ATP7A: variants seen among roughly 807,000 people sequenced by gnomAD.
ATP7A encodes copper-transporting ATPase 1.
Under a neutral mutation model 83.5 loss-of-function variants are expected in ATP7A, and 7 were observed. That is an observed-to-expected ratio of 0.08 (90% CI 0.05 to 0.16). ATP7A has a LOEUF of 0.16. ATP7A is among the 10% of genes least tolerant of loss of function. The pLI, the probability that ATP7A is intolerant of heterozygous loss-of-function variation, is 1.00. For missense variants in ATP7A, 940 were observed against 1,120.8 expected, an observed-to-expected ratio of 0.84 and a Z score of 2.30; for synonymous variants, 354 against 395.2, an observed-to-expected ratio of 0.90 and a Z score of 1.24.
At chrX:77,946,780 A>T (rs1488711353) in intron 1 of ATP7A, among the ~76,000 whole-genome samples, 2 of 109,536 alleles carry the variant, frequency 1.8e-5, no homozygotes, top group Non-Finnish European at 3.8e-5. Flanking sequence ...TTGGCGAGAA[A>T]CTGGAACTCT....
chrX:77,925,935 G>A (rs1453546829), intron 1 of ATP7A, among the ~76,000 whole-genome samples: 2 of 86,399 alleles, frequency 2.3e-5, no homozygotes, highest in Admixed American at 2.7e-4. Context: ...TTTTTTTAAC[G>A]CCATAAAGTG....
rs1156427861 is a variant in ATP7A at position 78,042,116 on chromosome X, CAA to C, written c.3802-450_3802-449del. ...TGGGTGACAGAGCAAGACTCTGTCT[CAA>C]AAAAAAAAAAAAAAAAAAGTTACAA... On this transcript the variant is annotated intron_variant, in intron 19 of 22. Coordinates refer to ENST00000341514, the MANE Select transcript of ATP7A (RefSeq NM_000052.7). Among the ~76,000 whole-genome samples, 342 of 51,901 alleles carry C rather than the reference CAA, an allele frequency of 6.6e-3. 1 individual carries two copies. Among genetic ancestry groups the C allele is most frequent in the African/African-American group, 0.018 (281 of 15,358 alleles). The allele number at this position is 51,901 out of a possible 115,157, so 45.1% of individuals were successfully genotyped here. A position where few individuals can be genotyped will look rare whatever the true frequency, so the allele number is the denominator to read the frequency against.
chrX:78,028,054 G>T (rs941270344), intron 14 of ATP7A, among the ~76,000 whole-genome samples: 3 of 108,682 alleles, frequency 2.8e-5, no homozygotes, highest in Non-Finnish European at 5.7e-5. Context: ...ACAGGGTCTC[G>T]CTCTGTTGCC....
intron 2 of ATP7A, 66 bp from the exon 3 acceptor site, chrX:77,988,176 A>G (rs957716021): frequency 5.5e-6 from 6 of 1,093,460 alleles, no homozygotes; most frequent in Non-Finnish European, 7.4e-6. Context: ...TGGTGTGATG[A>G]TTATTATTTT....
intron 7 of ATP7A, among the ~76,000 whole-genome samples, chrX:78,010,682 C>T (rs964227636): frequency 2.0e-5 from 2 of 99,360 alleles, no homozygotes; most frequent in Non-Finnish European, 4.0e-5. Flanking sequence ...TGGGTTCAAG[C>T]GATTCTCCTG....
chrX:77,925,076 T>C (rs782273338), intron 1 of ATP7A, among the ~76,000 whole-genome samples: 1 of 111,768 alleles, frequency 8.9e-6, no homozygotes, highest in South Asian at 3.7e-4. Context: ...ATTTATGGAA[T>C]GTTTGCTTCC....
intron 17 of ATP7A, among the ~76,000 whole-genome samples, chrX:78,035,355 A>G (rs1188127398): frequency 3.6e-5 from 4 of 111,893 alleles, no homozygotes; most frequent in Non-Finnish European, 7.5e-5. Context: ...TAACATGGAA[A>G]TCTAGTCGTG....
intron 1 of ATP7A, among the ~76,000 whole-genome samples, chrX:77,928,684 G>T (rs1415148484): frequency 8.9e-6 from 1 of 111,944 alleles, no homozygotes; most frequent in Admixed American, 9.5e-5. Context: ...CTAAGAAATG[G>T]ACCTTTGAAC....
intron 13 of ATP7A, 49 bp from the exon 14 acceptor site, chrX:78,020,896 A>G: frequency 8.7e-7 from 1 of 1,149,696 alleles, no homozygotes; most frequent in Non-Finnish European, 1.2e-6. Context: ...ATCAGAAAAG[A>G]CTTTGATATG....
intron 17 of ATP7A, among the ~76,000 whole-genome samples, chrX:78,034,709 CT>C (rs1557237543): frequency 1.8e-5 from 2 of 109,665 alleles, no homozygotes. Flanking sequence ...CATGACCCTG[CT>C]TTGTCTAGAT....
At chrX:78,021,680 G>A (rs782197660) in intron 14 of ATP7A, among the ~76,000 whole-genome samples, 61 of 111,594 alleles carry the variant, frequency 5.5e-4, no homozygotes, top group Non-Finnish European at 8.7e-4. Context: ...AGTCATGTAA[G>A]TTTTACTATC....
chrX:77,953,577 T>G lies in ATP7A; in HGVS notation c.-21-18044T>G, dbSNP rs781810082. ...AGTTCCACACACACTAAAAACATGTTTCTACCTTTTGTCTATTATTGACAT... is the reference window on the plus strand; with the variant it reads ...AGTTCCACACACACTAAAAACATGTGTCTACCTTTTGTCTATTATTGACAT... On this transcript the variant is annotated intron_variant, in intron 1 of 22. Coordinates refer to ENST00000341514, the MANE Select transcript of ATP7A (RefSeq NM_000052.7). Among the ~76,000 whole-genome samples, 4 of 112,674 alleles carry G rather than the reference T, an allele frequency of 3.6e-5. No homozygotes were observed. The South Asian group carries it at 1.5e-3, about 41-fold the overall frequency.
chrX:77,958,547 T>A (rs2077457700), intron 1 of ATP7A, among the ~76,000 whole-genome samples: 1 of 111,057 alleles, frequency 9.0e-6, no homozygotes, highest in South Asian at 3.8e-4. Context: ...CCAGCCTTGT[T>A]CTTTTTGCTT....
At chrX:77,944,636 TG>T (rs1290427759) in intron 1 of ATP7A, among the ~76,000 whole-genome samples, 21 of 108,798 alleles carry the variant, frequency 1.9e-4, no homozygotes, top group African/African-American at 6.4e-4. Flanking sequence ...GGGACCTTTC[TG>T]TGTTGCCCAG....
At position 77,964,921 on chromosome X, in the gene ATP7A, G is replaced by T. The variant is rs147803046; in HGVS notation, c.-21-6700G>T. On this transcript the variant is annotated intron_variant, in intron 1 of 22. Transcript: ENST00000341514. ...ATAGTAGAATGATTTATAATCCTTC[G>T]GGTATATATCCTGTAATGGGATTAC... 874 of 112,150 alleles carry T rather than the reference G, an allele frequency of 7.8e-3. 9 individuals carry two copies. Among genetic ancestry groups the T allele is most frequent in the African/African-American group, 0.028 (846 of 30,638 alleles). The allele number at this position is 112,150 out of a possible 1,213,427, so 9.2% of individuals were successfully genotyped here. A position where few individuals can be genotyped will look rare whatever the true frequency, so the allele number is the denominator to read the frequency against.
At chrX:77,989,985 C>G (rs2077660659) in intron 4 of ATP7A, 27 bp downstream of exon 4, 3 of 1,205,834 alleles carry the variant, frequency 2.5e-6, no homozygotes, top group Admixed American at 2.2e-5. Context: ...CTTTGATTAC[C>G]CTAATGTTCT....
At chrX:77,919,589 C>T (rs1483003742) in intron 1 of ATP7A, among the ~76,000 whole-genome samples, 5 of 112,559 alleles carry the variant, frequency 4.4e-5, no homozygotes, top group African/African-American at 1.6e-4. Flanking sequence ...CTCCCAGGCT[C>T]AAGCAATTCT....
rs1411168641 is a variant in ATP7A at position 78,046,800 on chromosome X, C to T, written c.*230C>T. The stretch of plus-strand genomic sequence containing the variant: ...AGTATATTTTTGTTTTCACTAACAA[C>T]AGATAAGGTAGAGCAGTGAGGTTTA... On this transcript the variant is annotated 3_prime_UTR_variant, in exon 23 of 23. Coordinates refer to ENST00000341514, the MANE Select transcript of ATP7A (RefSeq NM_000052.7). 2.2e-5 allele frequency: 9 copies of T among 415,249 alleles called. No homozygotes were observed. The African/African-American group carries it at 2.3e-4, about 11-fold the overall frequency. 34.2% of individuals were successfully genotyped at this position (415,249 alleles called of 1,213,427 possible).
chrX:77,981,035 AGCAT>A (rs1296454606), intron 2 of ATP7A, among the ~76,000 whole-genome samples: 2 of 112,460 alleles, frequency 1.8e-5, no homozygotes, highest in East Asian at 5.5e-4. Context: ...TAAAAATGGA[AGCAT>A]ACTATGCACA....
Sources: allele counts gnomAD v4.1 joint callset (sites outside exome capture counted in the v4.1 genomes callset), GRCh38; gene constraint gnomAD v4.1.1; transcripts MANE v1.5; gene names NCBI Gene and HGNC (gene_info 2026-07-23, HGNC 2026-07-21).